CBLN2: variants seen among roughly 807,000 people sequenced by gnomAD.
CBLN2 encodes cerebellin-2.
CBLN2 carries 7 observed loss-of-function variants against 15.0 expected under a neutral mutation model. The ratio of observed to expected loss-of-function variants is 0.47; its 90% confidence interval spans 0.27 to 0.88. The LOEUF (loss-of-function observed/expected upper bound fraction) is 0.88, where lower values mean the gene tolerates loss of function less well. Among genes scored for constraint, CBLN2 ranks in the 40% least tolerant of loss-of-function variants. The probability of loss-of-function intolerance (pLI) is 0.14; values close to 1 mark genes in which losing one functional copy is unlikely to be tolerated. For missense variants in CBLN2, 242 were observed against 304.5 expected, an observed-to-expected ratio of 0.79 and a Z score of 1.53; for synonymous variants, 149 against 135.2, an observed-to-expected ratio of 1.10 and a Z score of -0.71.
At chr18:72,574,309 T>G (rs1273908016) in intron 1 of CBLN2, among the ~76,000 whole-genome samples, 6 of 152,196 alleles carry the variant, frequency 3.9e-5, no homozygotes. Context: ...GATTGTGCAT[T>G]TGGTGTCGTA....
chr18:72,571,720 A>G (rs1344582986), intron 1 of CBLN2, among the ~76,000 whole-genome samples: 1 of 152,238 alleles, frequency 6.6e-6, no homozygotes, highest in Non-Finnish European at 1.5e-5. Context: ...GTTAGGACAG[A>G]TCAAAGTGCA....
At chr18:72,549,204 G>A (rs1403256810), upstream of CBLN2, among the ~76,000 whole-genome samples, 1 of 151,974 alleles carries the variant, frequency 6.6e-6, no homozygotes, top group Non-Finnish European at 1.5e-5. Flanking sequence ...TAGGGAAGGG[G>A]TTTCACCATG....
At chr18:72,555,953 T>C (rs1425771975) in intron 1 of CBLN2, among the ~76,000 whole-genome samples, 2 of 152,136 alleles carry the variant, frequency 1.3e-5, no homozygotes, top group Non-Finnish European at 2.9e-5. Context: ...CCTGTTTCTG[T>C]GGCTCTGGGC....
intron 1 of CBLN2, among the ~76,000 whole-genome samples, chr18:72,570,079 T>C (rs546658700): frequency 1.4e-4 from 21 of 152,330 alleles, no homozygotes; most frequent in African/African-American, 4.6e-4. Flanking sequence ...GTGGTGGTTA[T>C]GTTTTATGAA....
At chr18:72,587,682 T>C (rs184658803) in intron 1 of CBLN2, among the ~76,000 whole-genome samples, 1 of 152,306 alleles carries the variant, frequency 6.6e-6, no homozygotes, top group East Asian at 1.9e-4. Flanking sequence ...GTCTCACATT[T>C]CACAAAATCA....
chr18:72,631,328 A>T (rs555065063), intron 1 of CBLN2, among the ~76,000 whole-genome samples: 1 of 152,198 alleles, frequency 6.6e-6, no homozygotes, highest in South Asian at 2.1e-4. Flanking sequence ...TGTTGGTTCA[A>T]ATTATATGGT....
At chr18:72,607,480 C>A (rs1291420010) in intron 1 of CBLN2, among the ~76,000 whole-genome samples, 1 of 152,196 alleles carries the variant, frequency 6.6e-6, no homozygotes, top group African/African-American at 2.4e-5. Flanking sequence ...TGGCTACCTT[C>A]TTTGTATTCA....
intron 1 of CBLN2, chr18:72,618,218 T>A (rs907073484): frequency 3.1e-5 from 7 of 227,806 alleles, no homozygotes; most frequent in Admixed American, 2.5e-4. Context: ...TTTCTGCCCA[T>A]GGACGCTGCC....
intron 1 of CBLN2, among the ~76,000 whole-genome samples, chr18:72,577,715 G>T (rs1599007719): frequency 1.3e-5 from 2 of 152,158 alleles, no homozygotes; most frequent in Admixed American, 1.3e-4. Flanking sequence ...AACGTGCTTT[G>T]GTGCCATAAC....
intron 1 of CBLN2, among the ~76,000 whole-genome samples, chr18:72,550,341 C>T (rs1450391177): frequency 6.6e-6 from 1 of 152,114 alleles, no homozygotes; most frequent in Non-Finnish European, 1.5e-5. Flanking sequence ...TACATTGCAC[C>T]ATCATTTCTC....
At chr18:72,623,674 A>G (rs1161673228) in intron 1 of CBLN2, among the ~76,000 whole-genome samples, 1 of 152,106 alleles carries the variant, frequency 6.6e-6, no homozygotes, top group African/African-American at 2.4e-5. Flanking sequence ...TCTATAAACT[A>G]CTAATGTAGT....
chr18:72,562,111 G>T (rs2069265299), intron 1 of CBLN2, among the ~76,000 whole-genome samples: 1 of 152,130 alleles, frequency 6.6e-6, no homozygotes, highest in Non-Finnish European at 1.5e-5. Flanking sequence ...GCACACGTTT[G>T]GGACTTCATT....
intron 1 of CBLN2, among the ~76,000 whole-genome samples, chr18:72,567,535 C>T (rs61318031): frequency 2.0e-5 from 3 of 152,156 alleles, no homozygotes; most frequent in Admixed American, 2.0e-4. Context: ...GATACCCTCA[C>T]ACAAACGCAC....
chr18:72,562,302 C>T (rs2069266737), intron 1 of CBLN2, among the ~76,000 whole-genome samples: 1 of 152,030 alleles, frequency 6.6e-6, no homozygotes, highest in African/African-American at 2.4e-5. Context: ...AAATATATAT[C>T]AAGCACAGGA....
intron 1 of CBLN2, among the ~76,000 whole-genome samples, chr18:72,608,207 G>A (rs1004966142): frequency 1.3e-5 from 2 of 152,152 alleles, no homozygotes; most frequent in African/African-American, 4.8e-5. Context: ...TCCTTCGTAA[G>A]AATCCATTCC....
chr18:72,618,544 G>C, intron 1 of CBLN2: 1 of 732,382 alleles, frequency 1.4e-6, no homozygotes, highest in Non-Finnish European at 2.4e-6. Flanking sequence ...CTCAAGAAAA[G>C]TTTCTCAAAG....
chr18:72,549,012 T>C (rs1007889910), upstream of CBLN2, among the ~76,000 whole-genome samples: 1 of 152,052 alleles, frequency 6.6e-6, no homozygotes, highest in Admixed American at 6.6e-5. Context: ...TTTATTTATT[T>C]ATTTATTTTT....
intron 1 of CBLN2, among the ~76,000 whole-genome samples, chr18:72,586,955 T>C (rs1389023357): frequency 3.9e-5 from 6 of 152,060 alleles, no homozygotes; most frequent in African/African-American, 7.2e-5. Context: ...ATGATATATA[T>C]ATATATAAAC....
rs954231368 is a variant in CBLN2, at chr18:72,592,595, ATT to A, written c.15+45728_15+45729del. Reference sequence around the variant, plus strand: ...TCCAATGTCCTGGAGATTTTCTCCAATTTTTTCTTATAGTAGTTTCATAGTTT... The same window carrying A: ...TCCAATGTCCTGGAGATTTTCTCCAATTTTCTTATAGTAGTTTCATAGTTT... On this transcript the variant is annotated intron_variant, in intron 1 of 2. Transcript: ENST00000581073. 4.6e-5 allele frequency among the ~76,000 whole-genome samples: 7 copies of A among 152,058 alleles called. No homozygotes were observed. The East Asian group carries it at 1.4e-3, about 29-fold the overall frequency.
Sources: gnomAD v4.1 joint callset for allele counts (sites outside exome capture counted in the v4.1 genomes callset) on GRCh38, gnomAD v4.1.1 for gene constraint, MANE v1.5 for transcripts, NCBI Gene and HGNC (gene_info 2026-07-23, HGNC 2026-07-21) for gene names.